The following GALNTL6 variants were observed in gnomAD, a reference collection of about 807,000 sequenced individuals.
GALNTL6 encodes polypeptide N-acetylgalactosaminyltransferase like 6, also known as polypeptide N-acetylgalactosaminyltransferase-like 6.
A neutral mutation model predicts 73.7 loss-of-function variants in GALNTL6; 46 were observed. The observed-to-expected ratio is 0.62, with a 90% CI of 0.49 to 0.80. The LOEUF (loss-of-function observed/expected upper bound fraction) is 0.80, where lower values mean the gene tolerates loss of function less well. Ranked by LOEUF, GALNTL6 falls within the 30% of genes least tolerant of loss-of-function variation. The probability of loss-of-function intolerance (pLI) is 0.00; values close to 1 mark genes in which losing one functional copy is unlikely to be tolerated. For missense variants in GALNTL6, 604 were observed against 755.0 expected (o/e 0.80, Z 2.34); for synonymous variants, 259 against 263.7 (o/e 0.98, Z 0.17).
At chr4:173,019,910 C>A (rs1030776061) in intron 11 of GALNTL6, among the ~76,000 whole-genome samples, 1 of 152,208 alleles carries the variant, frequency 6.6e-6, no homozygotes, top group Non-Finnish European at 1.5e-5. Flanking sequence ...CTAGGTGGAA[C>A]CTAACAGCTG....
At chr4:172,935,026 C>T (rs1260523647) in intron 9 of GALNTL6, among the ~76,000 whole-genome samples, 1 of 152,224 alleles carries the variant, frequency 6.6e-6, no homozygotes, top group East Asian at 1.9e-4. Flanking sequence ...TGACAGGTGG[C>T]TGTAACAGCA....
chr4:172,442,194 A>G (rs1275169151), intron 5 of GALNTL6, among the ~76,000 whole-genome samples: 1 of 152,178 alleles, frequency 6.6e-6, no homozygotes, highest in Non-Finnish European at 1.5e-5. Context: ...TCACTGATTC[A>G]GTGTTGACAG....
chr4:172,030,097 A>G (rs1028771488), intron 2 of GALNTL6, among the ~76,000 whole-genome samples: 1 of 152,190 alleles, frequency 6.6e-6, no homozygotes, highest in Non-Finnish European at 1.5e-5. Context: ...AAACTTTCCA[A>G]GGTCACTAAG....
intron 2 of GALNTL6, among the ~76,000 whole-genome samples, chr4:172,012,305 A>G (rs1741035680): frequency 6.6e-6 from 1 of 152,050 alleles, no homozygotes; most frequent in Non-Finnish European, 1.5e-5. Context: ...CTCCCTTTTC[A>G]CCAGGGCCGA....
chr4:171,841,936 C>G (rs1032079469), intron 2 of GALNTL6, among the ~76,000 whole-genome samples: 8 of 151,842 alleles, frequency 5.3e-5, no homozygotes, highest in African/African-American at 1.9e-4. Context: ...AGTGATTCTT[C>G]TAAAATAAGG....
At chr4:171,870,684 T>C (rs1325778117) in intron 2 of GALNTL6, among the ~76,000 whole-genome samples, 1 of 152,074 alleles carries the variant, frequency 6.6e-6, no homozygotes, top group Non-Finnish European at 1.5e-5. Flanking sequence ...TAGGATGAGG[T>C]CCTATTGGAG....
At chr4:172,971,866 C>T (rs1750598374) in intron 10 of GALNTL6, among the ~76,000 whole-genome samples, 1 of 152,004 alleles carries the variant, frequency 6.6e-6, no homozygotes, top group South Asian at 2.1e-4. Context: ...GAGCTGAGAT[C>T]AAACATATAA....
intron 2 of GALNTL6, among the ~76,000 whole-genome samples, chr4:172,065,634 C>A (rs535751703): frequency 2.6e-4 from 40 of 152,112 alleles, no homozygotes; most frequent in Middle Eastern, 6.8e-3. Context: ...CAGAGATTTC[C>A]CACATGCCCT....
chr4:172,816,035 A>G (rs1741587591), intron 7 of GALNTL6, among the ~76,000 whole-genome samples: 2 of 152,238 alleles, frequency 1.3e-5, no homozygotes, highest in Admixed American at 1.3e-4. Context: ...GCTTTAGGCT[A>G]AAACTTGCTT....
intron 5 of GALNTL6, among the ~76,000 whole-genome samples, chr4:172,757,805 C>G (rs751061442): frequency 6.6e-6 from 1 of 152,088 alleles, no homozygotes; most frequent in African/African-American, 2.4e-5. Context: ...GATGTTACGT[C>G]CCATGTGTTT....
At chr4:172,764,054 G>A (rs1738265369) in intron 5 of GALNTL6, among the ~76,000 whole-genome samples, 1 of 150,168 alleles carries the variant, frequency 6.7e-6, no homozygotes, top group Admixed American at 6.7e-5. Flanking sequence ...CATGTCCTGT[G>A]TTCAAACGAT....
intron 7 of GALNTL6, among the ~76,000 whole-genome samples, chr4:172,845,216 CAAAA>C (rs11336973): frequency 3.3e-5 from 3 of 91,056 alleles, no homozygotes; most frequent in Non-Finnish European, 4.8e-5. Context: ...GTCTCTGTCT[CAAAA>C]AAAAAAAAAA....
At chr4:172,158,389 C>T (rs6835483) in intron 2 of GALNTL6, among the ~76,000 whole-genome samples, 65,717 of 151,666 alleles carry the variant, frequency 0.43, 14,926 homozygotes, top group African/African-American at 0.56. Context: ...ATAATTTTCC[C>T]CTGGTTACTC....
intron 3 of GALNTL6, among the ~76,000 whole-genome samples, chr4:172,246,823 T>C (rs1241223386): frequency 1.3e-5 from 2 of 148,894 alleles, no homozygotes; most frequent in Non-Finnish European, 3.0e-5. Context: ...TATATGTATA[T>C]ATATATAAAT....
chr4:172,731,444 T>C (rs1736144112), intron 5 of GALNTL6, among the ~76,000 whole-genome samples: 1 of 152,246 alleles, frequency 6.6e-6, no homozygotes, highest in East Asian at 1.9e-4. Flanking sequence ...CTTCTCTCTT[T>C]TATTCTTAGT....
rs769402595 is a variant in GALNTL6, at chr4:172,952,130, A to G, written c.1243A>G (p.Ile415Val). ...PEYRHLSTGD[I>V]SAQKELRKQL... is the part of the protein sequence containing the mutation. ...GTACAGGCATCTCTCCACGGGGGACATCTCTGCCCAGAAGGAGCTGCGCAA... is the reference window on the plus strand; with the variant it reads ...GTACAGGCATCTCTCCACGGGGGACGTCTCTGCCCAGAAGGAGCTGCGCAA... The change falls in exon 10 of 13, where the codon ATC becomes GTC. Residue 415 changes from isoleucine to valine, a missense_variant. Physicochemically the swap from Ile to Val is conservative, Grantham distance 29. Coordinates refer to ENST00000506823, the MANE Select transcript of GALNTL6 (RefSeq NM_001034845.3). 4.0e-5 allele frequency: 64 copies of G among 1,614,014 alleles called. No homozygotes were observed. Among genetic ancestry groups the G allele is most frequent in the Non-Finnish European group, 5.0e-5 (59 of 1,180,008 alleles).
At chr4:171,827,992 A>T (rs955425853) in intron 2 of GALNTL6, among the ~76,000 whole-genome samples, 1 of 152,354 alleles carries the variant, frequency 6.6e-6, no homozygotes, top group Non-Finnish European at 1.5e-5. Context: ...TGTAGGTACT[A>T]GTCTATTTTA....
At chr4:172,707,235 A>G (rs1734410239) in intron 5 of GALNTL6, among the ~76,000 whole-genome samples, 1 of 152,126 alleles carries the variant, frequency 6.6e-6, no homozygotes, top group South Asian at 2.1e-4. Context: ...TTTACGGTTT[A>G]TTTAGATAGT....
At chr4:172,896,532 C>A (rs569501283) in intron 8 of GALNTL6, among the ~76,000 whole-genome samples, 1 of 152,320 alleles carries the variant, frequency 6.6e-6, no homozygotes, top group Admixed American at 6.5e-5. Context: ...GTGGCCCAGA[C>A]AAGCATGTCT....
Sources: allele counts gnomAD v4.1 joint callset (sites outside exome capture counted in the v4.1 genomes callset), GRCh38; gene constraint gnomAD v4.1.1; transcripts MANE v1.5; gene names NCBI Gene and HGNC (gene_info 2026-07-23, HGNC 2026-07-21).